Variants in ARID4B observed in about 807,000 individuals in gnomAD.
ARID4B encodes AT-rich interactive domain-containing protein 4B.
In ARID4B, 26 loss-of-function variants were observed where a neutral mutation model predicts 147.5. The ratio of observed to expected loss-of-function variants is 0.18; its 90% CI spans 0.13 to 0.24. ARID4B has a LOEUF of 0.24. Among genes scored for constraint, ARID4B ranks in the 10% least tolerant of loss-of-function variants. The probability of loss-of-function intolerance (pLI) is 1.00; values close to 1 mark genes in which losing one functional copy is unlikely to be tolerated. For synonymous variants in ARID4B, 512 were observed against 507.9 expected (o/e 1.01, Z -0.11); for missense variants, 1,179 against 1,511.5 (o/e 0.78, Z 3.65).
intron 2 of ARID4B, among the ~76,000 whole-genome samples, chr1:235,265,217 T>A (rs1043874626): frequency 2.0e-5 from 3 of 150,384 alleles, no homozygotes; most frequent in African/African-American, 7.4e-5. Context: ...ATACAAAACA[T>A]TAGCCAGGTG....
chr1:235,275,126 G>A (rs778708944), intron 2 of ARID4B, among the ~76,000 whole-genome samples: 5 of 152,094 alleles, frequency 3.3e-5, no homozygotes, highest in Non-Finnish European at 5.9e-5. Context: ...TCTTACAGAT[G>A]ACCAAATTTT....
Position 235,179,525 on chromosome 1 carries a change from CAAAAAA to C in ARID4B, c.3335-1618_3335-1613del, listed in dbSNP as rs61143006. Among the ~76,000 whole-genome samples the C allele has an allele frequency of 1.7e-4, 8 of 48,370 alleles. No homozygotes were observed. The East Asian group carries it at 0.01, about 61-fold the overall frequency. The allele number at this position is 48,370 out of a possible 152,430, so 31.7% of individuals were successfully genotyped here. A position where few individuals can be genotyped will look rare whatever the true frequency, so the allele number is the denominator to read the frequency against. ...GCAACAAGAGCAAAACTCTATGTCT[CAAAAAA>C]AAAAAAAAAAAAAAAAAAAAAACCC... On this transcript the variant is annotated intron_variant, in intron 20 of 23. Coordinates refer to ENST00000264183, the MANE Select transcript of ARID4B (RefSeq NM_016374.6).
chr1:235,175,018 A>G (rs1296864753), intron 22 of ARID4B, among the ~76,000 whole-genome samples, 166 bp downstream of exon 22: 3 of 152,150 alleles, frequency 2.0e-5, no homozygotes, highest in Admixed American at 1.3e-4. Flanking sequence ...AGGCAGGAGG[A>G]TGGCTTGAAC....
rs1488989815 is a variant in ARID4B at position 235,246,590 on chromosome 1, G to C, written c.355-79C>G. 7.2e-6 allele frequency: 7 copies of C among 976,456 alleles called. No homozygotes were observed. The South Asian group carries it at 1.1e-4, about 15-fold the overall frequency. 60.5% of individuals were successfully genotyped at this position (976,456 alleles called of 1,614,324 possible). On this transcript the variant is annotated intron_variant, in intron 6 of 23. Coordinates refer to ENST00000264183, the MANE Select transcript of ARID4B (RefSeq NM_016374.6). Reference sequence around the variant, plus strand: ...TTTGTTTTAAACCAAATCAATTTAAGAATATGCTCAGATTTTGAGATTAAA... The same window carrying C: ...TTTGTTTTAAACCAAATCAATTTAACAATATGCTCAGATTTTGAGATTAAA...
intron 8 of ARID4B, among the ~76,000 whole-genome samples, chr1:235,236,460 T>C (rs530526608): frequency 6.6e-6 from 1 of 151,808 alleles, no homozygotes; most frequent in Non-Finnish European, 1.5e-5. Flanking sequence ...AAAAATTTAA[T>C]GTTCCTATTG....
chr1:235,257,665 G>C (rs140748142), intron 3 of ARID4B, among the ~76,000 whole-genome samples: 4 of 152,056 alleles, frequency 2.6e-5, no homozygotes, highest in African/African-American at 9.6e-5. Context: ...ATTTCTAATA[G>C]AGATGGGGTT....
At chr1:235,278,358 T>A (rs1370010188) in intron 2 of ARID4B, among the ~76,000 whole-genome samples, 1 of 152,088 alleles carries the variant, frequency 6.6e-6, no homozygotes, top group African/African-American at 2.4e-5. Context: ...TAGCCTCCGT[T>A]CTGCTGGAAT....
At chr1:235,170,114 A>C (rs1332781481) in intron 23 of ARID4B, among the ~76,000 whole-genome samples, 3 of 152,194 alleles carry the variant, frequency 2.0e-5, no homozygotes. Context: ...CCCCATTGCT[A>C]CCAGTTGATT....
At chr1:235,218,740 T>G (rs2103019557) in intron 16 of ARID4B, among the ~76,000 whole-genome samples, 1 of 152,268 alleles carries the variant, frequency 6.6e-6, no homozygotes, top group South Asian at 2.1e-4. Flanking sequence ...AATATATATT[T>G]TTATACACAA....
At chr1:235,321,235 A>G (rs1361869763) in intron 2 of ARID4B, among the ~76,000 whole-genome samples, 1 of 152,138 alleles carries the variant, frequency 6.6e-6, no homozygotes, top group Non-Finnish European at 1.5e-5. Flanking sequence ...ACATGTTAGT[A>G]TTTTACAAGA....
intron 2 of ARID4B, among the ~76,000 whole-genome samples, chr1:235,305,939 A>G (rs1216570019): frequency 6.6e-6 from 1 of 152,236 alleles, no homozygotes; most frequent in East Asian, 1.9e-4. Flanking sequence ...CTGCCCAGGC[A>G]ACAGAGCAAG....
chr1:235,199,393 G>GTATA (rs1665725661), intron 17 of ARID4B, among the ~76,000 whole-genome samples: 1 of 151,782 alleles, frequency 6.6e-6, no homozygotes, highest in South Asian at 2.1e-4. Flanking sequence ...TATGCTCTTT[G>GTATA]TATAAAACAC....
intron 2 of ARID4B, among the ~76,000 whole-genome samples, chr1:235,304,625 C>T (rs7553200): frequency 0.47 from 70,706 of 151,816 alleles, 16,777 homozygotes; most frequent in South Asian, 0.6. Context: ...AAATCATCAC[C>T]ATCCTCATCA....
chr1:235,265,746 C>T (rs1558260315), intron 2 of ARID4B, among the ~76,000 whole-genome samples: 2 of 151,962 alleles, frequency 1.3e-5, no homozygotes, highest in East Asian at 3.9e-4. Context: ...AACTAGATGC[C>T]TAGCTTCAAA....
intron 10 of ARID4B, among the ~76,000 whole-genome samples, chr1:235,230,608 A>C (rs943384763): frequency 1.5e-5 from 2 of 131,884 alleles, no homozygotes; most frequent in Non-Finnish European, 3.3e-5. Context: ...AAAAAAAAAA[A>C]AAAAAAAACC....
At chr1:235,195,607 AT>A (rs896506405) in intron 18 of ARID4B, among the ~76,000 whole-genome samples, 14 of 151,766 alleles carry the variant, frequency 9.2e-5, no homozygotes, top group East Asian at 3.9e-4. Context: ...AAAAAAAAAA[AT>A]CTTGTGAATA....
At chr1:235,189,293 G>A (rs1305071970) in intron 19 of ARID4B, among the ~76,000 whole-genome samples, 3 of 150,892 alleles carry the variant, frequency 2.0e-5, no homozygotes, top group South Asian at 2.1e-4. Context: ...CCAGCTACTC[G>A]GGAGGCTGAG....
intron 2 of ARID4B, among the ~76,000 whole-genome samples, chr1:235,296,821 G>A (rs1433260031): frequency 4.3e-5 from 4 of 92,720 alleles, no homozygotes; most frequent in East Asian, 6.7e-4. Flanking sequence ...AAGGAAGGAA[G>A]GAAGGAAGGA....
chr1:235,230,646 G>A (rs1668157660), intron 10 of ARID4B, among the ~76,000 whole-genome samples: 1 of 148,014 alleles, frequency 6.8e-6, no homozygotes, highest in Non-Finnish European at 1.5e-5. Context: ...CTATGGTTGG[G>A]CGCAGTGGCT....
Sources: allele counts gnomAD v4.1 joint callset (sites outside exome capture counted in the v4.1 genomes callset), GRCh38; gene constraint gnomAD v4.1.1; transcripts MANE v1.5; gene names NCBI Gene and HGNC (gene_info 2026-07-23, HGNC 2026-07-21).